Variants in PCDHGB6 observed in about 807,000 individuals in gnomAD.
PCDHGB6 encodes the protein protocadherin gamma-B6.
In PCDHGB6, 51 loss-of-function variants were observed where a neutral mutation model predicts 59.1. That is an observed-to-expected ratio of 0.86 (90% CI 0.69 to 1.09). The LOEUF is 1.09. PCDHGB6 is among the 50% of genes least tolerant of loss of function. PCDHGB6 has a pLI of 0.00. For synonymous variants in PCDHGB6, 466 were observed against 495.1 expected (o/e 0.94, Z 0.78); for missense variants, 1,148 against 1,205.1 (o/e 0.95, Z 0.70).
rs1304361659 is a variant in PCDHGB6 at position 141,494,859 on chromosome 5, C to T, written c.2471C>T (p.Thr824Ile). 2 of 1,614,134 alleles carry T rather than the reference C, an allele frequency of 1.2e-6. No individual in the cohort carries two copies. The highest frequency in any genetic ancestry group is 8.5e-7 in the Non-Finnish European group (1 of 1,180,012). Reference protein sequence around the residue: ...WRFSQAQRPGTSGSQNGDDTG... With the variant: ...WRFSQAQRPGISGSQNGDDTG... Reference sequence around the variant, plus strand: ...TTCTCTCAGGCCCAGAGACCCGGCACCAGCGGGTAGGTGACTGATTCTCCA... The same window carrying T: ...TTCTCTCAGGCCCAGAGACCCGGCATCAGCGGGTAGGTGACTGATTCTCCA... Residue 824 changes from threonine to isoleucine, a missense_variant, in exon 2 of 4, where the codon ACC becomes ATC. By Grantham distance (89) the Thr-to-Ile change is moderately conservative. This residue lies in a region of PCDHGB6 where 283 missense variants were observed against 318.6 expected (regional missense o/e 0.89). Coordinates refer to ENST00000520790, the MANE Select transcript of PCDHGB6 (RefSeq NM_018926.3).
In PCDHGB6 at chr5:141,486,092, C is replaced by A; in HGVS notation, c.2419-8715C>A. Reference sequence around the variant, plus strand: ...TACTGGAAAGCTTACTCTTTTGGGGCCCCTAGACTTTGAGAGTGAGAATTA... The same window carrying A: ...TACTGGAAAGCTTACTCTTTTGGGGACCCTAGACTTTGAGAGTGAGAATTA... On this transcript the variant is annotated intron_variant, in intron 1 of 3. Coordinates refer to ENST00000520790, the MANE Select transcript of PCDHGB6 (RefSeq NM_018926.3). The surrounding 1 kb of genome is among the most constrained non-coding windows in gnomAD (Gnocchi z 5.0). 1.9e-6 allele frequency: 3 copies of A among 1,614,148 alleles called. No individual in the cohort carries two copies. Among genetic ancestry groups the A allele is most frequent in the Non-Finnish European group, 2.5e-6 (3 of 1,180,008 alleles).
intron 1 of PCDHGB6, among the ~76,000 whole-genome samples, chr5:141,481,731 A>G (rs1339022274): frequency 6.6e-6 from 1 of 152,060 alleles, no homozygotes; most frequent in African/African-American, 2.4e-5. Context: ...AGGCGGGCGG[A>G]TCACGAGGTC....
At chr5:141,494,708 C>T (rs1481947557) in intron 1 of PCDHGB6, 99 bp from the exon 2 acceptor site, 2 of 1,599,566 alleles carry the variant, frequency 1.3e-6, no homozygotes, top group Non-Finnish European at 1.7e-6. Flanking sequence ...CTTCTCTGTG[C>T]CCACTCCCCT....
chr5:141,427,974 G>T, intron 1 of PCDHGB6: 1 of 1,594,576 alleles, frequency 6.3e-7, no homozygotes, highest in South Asian at 1.1e-5. Flanking sequence ...GCTGTACCCC[G>T]CGCTGGGGCC....
rs1591273286 is a variant in PCDHGB6, at chr5:141,433,311, T to A, written c.2418+22691T>A. 11 of 870,402 alleles carry A rather than the reference T, an allele frequency of 1.3e-5. No individual in the cohort carries two copies. The East Asian group carries it at 2.9e-4, about 23-fold the overall frequency. 53.9% of individuals were successfully genotyped at this position (870,402 alleles called of 1,614,324 possible). A position where few individuals can be genotyped will look rare whatever the true frequency, so the allele number is the denominator to read the frequency against. On this transcript the variant is annotated intron_variant, in intron 1 of 3. Coordinates refer to ENST00000520790, the MANE Select transcript of PCDHGB6 (RefSeq NM_018926.3). Reference sequence around the variant, plus strand: ...TAGGCTCAAGCAATTATCCCACCTTTGCCTCCGGTGTAACAGGGACTACAG... The same window carrying A: ...TAGGCTCAAGCAATTATCCCACCTTAGCCTCCGGTGTAACAGGGACTACAG...
chr5:141,465,759 A>G (rs2099108647), intron 1 of PCDHGB6, among the ~76,000 whole-genome samples: 2 of 151,280 alleles, frequency 1.3e-5, no homozygotes, highest in South Asian at 4.2e-4. Context: ...TGGTAAAGTC[A>G]TGTTTCATCT....
intron 1 of PCDHGB6, among the ~76,000 whole-genome samples, chr5:141,459,690 C>A (rs1338211972): frequency 6.6e-6 from 1 of 152,174 alleles, no homozygotes; most frequent in African/African-American, 2.4e-5. Context: ...ATAAAGCGTT[C>A]CGCTTGCTAC....
chr5:141,422,317 G>A (rs1266672163), intron 1 of PCDHGB6: 2 of 1,548,092 alleles, frequency 1.3e-6, no homozygotes, highest in Non-Finnish European at 1.7e-6. Context: ...CTCTCCTCCA[G>A]GTACAGTGAT....
chr5:141,423,506 T>C (rs1242003813), intron 1 of PCDHGB6: 1 of 1,613,808 alleles, frequency 6.2e-7, no homozygotes, highest in African/African-American at 1.3e-5. Context: ...GAGGTCTCTC[T>C]CATTGCGGAC....
At chr5:141,458,080 C>T (rs62379190) in intron 1 of PCDHGB6, among the ~76,000 whole-genome samples, 5,138 of 152,230 alleles carry the variant, frequency 0.034, 100 homozygotes, top group Middle Eastern at 0.088. Flanking sequence ...ACTATATTGC[C>T]GTAAGTTAAG....
rs530622003 is a variant in PCDHGB6, at chr5:141,437,077, T to G, written c.2418+26457T>G. ...TGATCATTATTTGGTTTGGGCCATA[T>G]AAGAATTGAAACTAACGGCTTAGCT... On this transcript the variant is annotated intron_variant, in intron 1 of 3. Transcript: ENST00000520790. Among the ~76,000 whole-genome samples, 107 of 152,372 alleles carry G rather than the reference T, an allele frequency of 7.0e-4. 1 individual carries two copies. The highest frequency in any genetic ancestry group is 6.4e-3 in the South Asian group (31 of 4,828).
chr5:141,486,011 T>C lies in PCDHGB6; in HGVS notation c.2419-8796T>C. The C allele has an allele frequency of 6.2e-7, 1 of 1,614,188 alleles. No individual in the cohort carries two copies. Among genetic ancestry groups the C allele is most frequent in the Non-Finnish European group, 8.5e-7 (1 of 1,180,014 alleles). ...GGGTCCCAGTGGTAACGTCACCTTTTATTTCAGTGGTCATACCCCTGATCG... is the reference window on the plus strand; with the variant it reads ...GGGTCCCAGTGGTAACGTCACCTTTCATTTCAGTGGTCATACCCCTGATCG... On this transcript the variant is annotated intron_variant, in intron 1 of 3. Coordinates refer to ENST00000520790, the MANE Select transcript of PCDHGB6 (RefSeq NM_018926.3). This position sits in a 1 kb window ranked among gnomAD's most constrained non-coding sequence, Gnocchi z 5.0.
chr5:141,433,050 G>A, intron 1 of PCDHGB6: 2 of 1,614,142 alleles, frequency 1.2e-6, no homozygotes, highest in Non-Finnish European at 1.7e-6. Context: ...ACGGACTCGC[G>A]GAAGAGTCAC....
chr5:141,472,218 G>A (rs1206861601), intron 1 of PCDHGB6, among the ~76,000 whole-genome samples: 3 of 152,054 alleles, frequency 2.0e-5, no homozygotes, highest in Admixed American at 2.0e-4. Flanking sequence ...CCTTACTCTC[G>A]ATCATATAAT....
rs200580042 is a variant in PCDHGB6 at position 141,486,553 on chromosome 5, T to C, written c.2419-8254T>C. 5.4e-5 allele frequency: 87 copies of C among 1,614,028 alleles called. No individual in the cohort carries two copies. The highest frequency in any genetic ancestry group is 7.2e-5 in the Non-Finnish European group (85 of 1,180,046). On this transcript the variant is annotated intron_variant, in intron 1 of 3. Coordinates refer to ENST00000520790, the MANE Select transcript of PCDHGB6 (RefSeq NM_018926.3). The surrounding 1 kb of genome is among the most constrained non-coding windows in gnomAD (Gnocchi z 5.0). ...CACCCTCTTTCTTTCAGAGGTCACA[T>C]GAGGTGTTTGTTCCTGAGAACAATC...
At position 141,489,083 on chromosome 5, in the gene PCDHGB6, T is replaced by G; in HGVS notation, c.2419-5724T>G. On this transcript the variant is annotated intron_variant, in intron 1 of 3. Coordinates refer to ENST00000520790, the MANE Select transcript of PCDHGB6 (RefSeq NM_018926.3). This position sits in a 1 kb window ranked among gnomAD's most constrained non-coding sequence, Gnocchi z 4.5. ...CCTCCCCCCTGCCCACCCCCGCCACTCGGTGACTAAGAACTGCTGCAAGCA... is the reference window on the plus strand; with the variant it reads ...CCTCCCCCCTGCCCACCCCCGCCACGCGGTGACTAAGAACTGCTGCAAGCA... The G allele has an allele frequency of 1.2e-5, 2 of 172,008 alleles. No individual in the cohort carries two copies. Among genetic ancestry groups the G allele is most frequent in the Non-Finnish European group, 2.1e-5 (2 of 94,012 alleles). The allele number at this position is 172,008 out of a possible 1,614,324, so 10.7% of individuals were successfully genotyped here. A position where few individuals can be genotyped will look rare whatever the true frequency, so the allele number is the denominator to read the frequency against.
At chr5:141,443,059 A>G (rs148799842) in intron 1 of PCDHGB6, among the ~76,000 whole-genome samples, 145 of 152,348 alleles carry the variant, frequency 9.5e-4, no homozygotes, top group African/African-American at 3.3e-3. Context: ...GTTCCACTGA[A>G]GAGCGTCTTA....
At chr5:141,464,916 T>C (rs1298310554) in intron 1 of PCDHGB6, among the ~76,000 whole-genome samples, 1 of 152,024 alleles carries the variant, frequency 6.6e-6, no homozygotes, top group Non-Finnish European at 1.5e-5. Flanking sequence ...TTTTTTTATT[T>C]TTTTGTAGAG....
rs1232672788 is a variant in PCDHGB6, at chr5:141,431,315, G to A, written c.2418+20695G>A. The A allele has an allele frequency of 6.2e-7, 1 of 1,614,080 alleles. No individual in the cohort carries two copies. Among genetic ancestry groups the A allele is most frequent in the South Asian group, 1.1e-5 (1 of 91,078 alleles). On this transcript the variant is annotated intron_variant, in intron 1 of 3. Coordinates refer to ENST00000520790, the MANE Select transcript of PCDHGB6 (RefSeq NM_018926.3). The surrounding 1 kb of genome is among the most constrained non-coding windows in gnomAD (Gnocchi z 4.8). ...CTTCTCCCTCATCGTGCAAAATGGAGCCGACGGTAGTAAGTACCCCGAATT... is the reference window on the plus strand; with the variant it reads ...CTTCTCCCTCATCGTGCAAAATGGAACCGACGGTAGTAAGTACCCCGAATT...
Sources: allele counts gnomAD v4.1 joint callset (sites outside exome capture counted in the v4.1 genomes callset), GRCh38; gene constraint gnomAD v4.1.1; regional missense constraint gnomAD v4.1.1; non-coding constraint Gnocchi (gnomAD v3.1); transcripts MANE v1.5; gene names NCBI Gene and HGNC (gene_info 2026-07-23, HGNC 2026-07-21).